The following DLG1 variants were observed in gnomAD, a reference collection of about 807,000 sequenced individuals.
DLG1 encodes disks large homolog 1.
In DLG1, 42 loss-of-function variants were observed where a neutral mutation model predicts 123.4. The observed-to-expected ratio is 0.34, with a 90% CI of 0.27 to 0.44. DLG1 has a LOEUF of 0.44. Among genes scored for constraint, DLG1 ranks in the 20% least tolerant of loss-of-function variants. The pLI is 1.00. For synonymous variants in DLG1, 317 were observed against 356.2 expected (o/e 0.89, Z 1.24); for missense variants, 942 against 1,082.6 (o/e 0.87, Z 1.82).
chr3:197,262,463 C>T (rs906352584), intron 4 of DLG1, among the ~76,000 whole-genome samples: 3 of 152,160 alleles, frequency 2.0e-5, no homozygotes, highest in East Asian at 1.9e-4. Flanking sequence ...AACTAGTAAA[C>T]GCATTTCCCT....
intron 13 of DLG1, among the ~76,000 whole-genome samples, chr3:197,105,612 A>AT: frequency 6.6e-6 from 1 of 152,304 alleles, no homozygotes; most frequent in South Asian, 2.1e-4. Flanking sequence ...AGGTGAAATA[A>AT]TTATCCAATT....
intron 5 of DLG1, among the ~76,000 whole-genome samples, chr3:197,178,070 A>G (rs988537503): frequency 1.3e-5 from 2 of 152,090 alleles, no homozygotes; most frequent in Non-Finnish European, 2.9e-5. Flanking sequence ...GAAAAATCCC[A>G]CCCACATGGA....
chr3:197,061,996 G>A (rs764904518), intron 22 of DLG1, among the ~76,000 whole-genome samples: 3 of 151,966 alleles, frequency 2.0e-5, no homozygotes, highest in Non-Finnish European at 2.9e-5. Context: ...ACCACCATGC[G>A]GTTTTCAAAA....
At position 197,076,891 on chromosome 3, in the gene DLG1, C is replaced by G. The variant is rs528390677; in HGVS notation, c.1906-206G>C. On this transcript the variant is annotated intron_variant, in intron 17 of 24. Transcript: ENST00000667157. ...ACTGAAAATACTTAAGAATTTCAGA[C>G]AGCATAGTTCATTTATACCTAAAAA... Among the ~76,000 whole-genome samples the G allele has an allele frequency of 3.3e-5, 5 of 152,226 alleles. No homozygotes were observed. The South Asian group carries it at 1.0e-3, about 32-fold the overall frequency.
intron 15 of DLG1, among the ~76,000 whole-genome samples, chr3:197,087,326 T>C (rs1260708997): frequency 6.6e-6 from 1 of 152,000 alleles, no homozygotes; most frequent in Non-Finnish European, 1.5e-5. Context: ...GGTAGTTTTT[T>C]GCAGCCTTTT....
chr3:197,180,511 C>A (rs540170978), intron 5 of DLG1, among the ~76,000 whole-genome samples: 1 of 152,076 alleles, frequency 6.6e-6, no homozygotes, highest in African/African-American at 2.4e-5. Context: ...AAGCCTCAAA[C>A]TGAAAAAGTT....
intron 12 of DLG1, among the ~76,000 whole-genome samples, chr3:197,116,680 A>C (rs543656497): frequency 6.6e-6 from 1 of 152,260 alleles, no homozygotes; most frequent in African/African-American, 2.4e-5. Context: ...TTTCCTCAAA[A>C]AAACGAAACA....
chr3:197,092,533 C>CAG (rs1354216013), intron 14 of DLG1, among the ~76,000 whole-genome samples: 1 of 152,164 alleles, frequency 6.6e-6, no homozygotes, highest in East Asian at 1.9e-4. Context: ...CAGGGTCCTG[C>CAG]CCTGTTGCCC....
rs781235586 is a variant in DLG1, at chr3:197,065,257, G to A, written c.2373+19C>T. ...ATATCTGATTAGAAGCTATATTCTG[G>A]GATTAGTCTGATGCTTACCTTTTCT... On this transcript the variant is annotated intron_variant, in intron 22 of 24. Transcript: ENST00000667157. 1 of 1,582,686 alleles carries A rather than the reference G, an allele frequency of 6.3e-7. No individual in the cohort carries two copies. Among genetic ancestry groups the A allele is most frequent in the South Asian group, 1.2e-5 (1 of 85,504 alleles).
chr3:197,050,605 T>C (rs1476207918), intron 24 of DLG1, among the ~76,000 whole-genome samples: 1 of 152,220 alleles, frequency 6.6e-6, no homozygotes, highest in Non-Finnish European at 1.5e-5. Context: ...ATTTCATTTA[T>C]ACGTGGAATC....
intron 24 of DLG1, among the ~76,000 whole-genome samples, 199 bp downstream of exon 24, chr3:197,051,378 T>C (rs561198579): frequency 1.7e-4 from 26 of 152,124 alleles, no homozygotes; most frequent in African/African-American, 6.3e-4. Flanking sequence ...AGCCGAGTCA[T>C]ACCATTGCAC....
intron 14 of DLG1, among the ~76,000 whole-genome samples, chr3:197,095,588 T>G (rs1228598673): frequency 1.3e-5 from 2 of 152,210 alleles, no homozygotes; most frequent in Non-Finnish European, 2.9e-5. Flanking sequence ...CTGTATCAGG[T>G]GGTACACAAT....
intron 11 of DLG1, among the ~76,000 whole-genome samples, chr3:197,120,596 AT>A (rs1336466422): frequency 6.6e-6 from 1 of 152,228 alleles, no homozygotes; most frequent in African/African-American, 2.4e-5. Context: ...TTTTTATTAA[AT>A]TAGAGCATAT....
chr3:197,288,161 C>T (rs543357750), intron 3 of DLG1, among the ~76,000 whole-genome samples: 2 of 151,760 alleles, frequency 1.3e-5, no homozygotes, highest in South Asian at 2.1e-4. Context: ...GTCAAGAGAT[C>T]GAGACCATCC....
intron 5 of DLG1, among the ~76,000 whole-genome samples, chr3:197,193,514 T>G (rs1459794892): frequency 6.6e-6 from 1 of 152,190 alleles, no homozygotes; most frequent in Admixed American, 6.5e-5. Flanking sequence ...AGTAATAACC[T>G]GAAAATAAAT....
intron 3 of DLG1, among the ~76,000 whole-genome samples, chr3:197,295,562 G>A (rs1474292935): frequency 6.6e-6 from 1 of 151,718 alleles, no homozygotes; most frequent in African/African-American, 2.4e-5. Flanking sequence ...TGAGGTACCT[G>A]GACAAAAGAG....
In DLG1 at chr3:197,044,425, C is replaced by T. The variant is rs568947647; in HGVS notation, c.*198G>A. The T allele has an allele frequency of 2.5e-6, 1 of 394,344 alleles. No homozygotes were observed. Among genetic ancestry groups the T allele is most frequent in the South Asian group, 7.8e-5 (1 of 12,794 alleles). 24.4% of individuals were successfully genotyped at this position (394,344 alleles called of 1,614,324 possible). On this transcript the variant is annotated 3_prime_UTR_variant, in exon 25 of 25. Transcript: ENST00000667157. ...CATCTTCAGTTCTGAAAAATGGCCA[C>T]TAACCAATAGTGACATTAAATAATA...
intron 15 of DLG1, among the ~76,000 whole-genome samples, chr3:197,088,067 T>C (rs1011438148): frequency 1.1e-4 from 16 of 152,232 alleles, no homozygotes; most frequent in South Asian, 4.1e-4. Context: ...TATTTAATTA[T>C]AGAAAAGAAC....
intron 6 of DLG1, among the ~76,000 whole-genome samples, chr3:197,144,544 G>A (rs1296973352): frequency 7.2e-5 from 11 of 152,246 alleles, no homozygotes; most frequent in Non-Finnish European, 1.0e-4. Context: ...AAGCTTCAGG[G>A]TAGTTTGTTA....
Sources: gnomAD v4.1 joint callset for allele counts (sites outside exome capture counted in the v4.1 genomes callset) on GRCh38, gnomAD v4.1.1 for gene constraint, MANE v1.5 for transcripts, NCBI Gene and HGNC (gene_info 2026-07-23, HGNC 2026-07-21) for gene names.